Variants in TMEM178B observed in about 807,000 individuals in gnomAD.
The protein encoded by TMEM178B is transmembrane protein 178B.
Under a neutral mutation model 31.0 loss-of-function variants are expected in TMEM178B, and 5 were observed. That is an observed-to-expected ratio of 0.16 (90% CI 0.08 to 0.34). TMEM178B has a LOEUF of 0.34. Ranked by LOEUF, TMEM178B falls within the 10% of genes least tolerant of loss-of-function variation. The probability of loss-of-function intolerance (pLI) is 1.00; values close to 1 mark genes in which losing one functional copy is unlikely to be tolerated. For missense variants in TMEM178B, 275 were observed against 400.3 expected (o/e 0.69, Z 2.67); for synonymous variants, 164 against 164.0 (o/e 1.00, Z 0.00).
chr7:141,169,552 T>A (rs1245997321), intron 1 of TMEM178B, among the ~76,000 whole-genome samples: 4 of 152,206 alleles, frequency 2.6e-5, no homozygotes, highest in Non-Finnish European at 4.4e-5. Flanking sequence ...CTGGCTAATA[T>A]CTAGACACCT....
intron 2 of TMEM178B, among the ~76,000 whole-genome samples, chr7:141,436,364 G>A (rs1239574966): frequency 6.6e-6 from 1 of 152,190 alleles, no homozygotes; most frequent in Admixed American, 6.5e-5. Flanking sequence ...CTTTGACAGA[G>A]AGGGACGCCC....
At chr7:141,389,217 A>G (rs540289531) in intron 2 of TMEM178B, among the ~76,000 whole-genome samples, 5 of 152,344 alleles carry the variant, frequency 3.3e-5, no homozygotes, top group African/African-American at 7.2e-5. Flanking sequence ...TACAGAATGC[A>G]TAGTAAAAAA....
intron 1 of TMEM178B, among the ~76,000 whole-genome samples, chr7:141,117,530 A>G (rs1265055012): frequency 2.0e-5 from 3 of 152,126 alleles, no homozygotes; most frequent in Middle Eastern, 3.4e-3. Flanking sequence ...CCATTTGTCA[A>G]TTTTGGCTTT....
At chr7:141,355,485 A>G (rs1799803408) in intron 2 of TMEM178B, among the ~76,000 whole-genome samples, 1 of 152,156 alleles carries the variant, frequency 6.6e-6, no homozygotes, top group Non-Finnish European at 1.5e-5. Flanking sequence ...AGAAGCTATA[A>G]TAACTATGCC....
At chr7:141,191,203 C>G (rs1052433150) in intron 1 of TMEM178B, among the ~76,000 whole-genome samples, 1 of 152,176 alleles carries the variant, frequency 6.6e-6, no homozygotes, top group Non-Finnish European at 1.5e-5. Context: ...AGCGTCTTGT[C>G]TATTTTTAAG....
chr7:141,255,957 A>G lies in TMEM178B; in HGVS notation c.496+43253A>G, dbSNP rs1273024359. On this transcript the variant is annotated intron_variant, in intron 2 of 3. Transcript: ENST00000565468. ...TACATTTCCCATACCTAGGCGTGAG[A>G]GAAACCTGTCATCCATCCATCCATC... is the stretch of plus-strand genomic sequence containing the variant. Among the ~76,000 whole-genome samples, 4 of 152,100 alleles carry G rather than the reference A, an allele frequency of 2.6e-5. No individual in the cohort carries two copies. In the South Asian group the frequency reaches 6.2e-4, roughly 24 times the overall value.
At chr7:141,336,138 C>A (rs950505271) in intron 2 of TMEM178B, among the ~76,000 whole-genome samples, 17 of 152,084 alleles carry the variant, frequency 1.1e-4, no homozygotes, top group African/African-American at 4.1e-4. Context: ...ATCTCGCTGG[C>A]CCCGCCCTGG....
chr7:141,215,917 T>A (rs1423323209), intron 2 of TMEM178B, among the ~76,000 whole-genome samples: 4 of 149,274 alleles, frequency 2.7e-5, no homozygotes, highest in African/African-American at 4.9e-5. Flanking sequence ...TCTTTCTTTT[T>A]TTTTTTTTGA....
chr7:141,435,949 C>A (rs951768207), intron 2 of TMEM178B, among the ~76,000 whole-genome samples: 5 of 152,142 alleles, frequency 3.3e-5, no homozygotes, highest in Non-Finnish European at 5.9e-5. Context: ...CCTCTGTAGG[C>A]CCCTCCTCAC....
At chr7:141,438,875 C>CAAAAAAAAA (rs764682650) in intron 3 of TMEM178B, among the ~76,000 whole-genome samples, 19 of 132,782 alleles carry the variant, frequency 1.4e-4, no homozygotes, top group African/African-American at 5.3e-4. Context: ...GATTCCGTCT[C>CAAAAAAAAA]AAAAAAAAAG....
intron 2 of TMEM178B, among the ~76,000 whole-genome samples, chr7:141,410,102 C>T (rs536315175): frequency 1.3e-5 from 2 of 152,342 alleles, no homozygotes; most frequent in African/African-American, 2.4e-5. Flanking sequence ...ACATCCCCAT[C>T]ACCTGTTTCC....
At chr7:141,293,365 C>A (rs1055010952) in intron 2 of TMEM178B, among the ~76,000 whole-genome samples, 3 of 152,314 alleles carry the variant, frequency 2.0e-5, no homozygotes, top group Middle Eastern at 3.4e-3. Flanking sequence ...TGGTCTTTGG[C>A]ATTCCTTTCA....
At chr7:141,347,305 T>G (rs1350792993) in intron 2 of TMEM178B, among the ~76,000 whole-genome samples, 1 of 152,120 alleles carries the variant, frequency 6.6e-6, no homozygotes, top group Admixed American at 6.5e-5. Flanking sequence ...CCTTCAAATT[T>G]AAATGTAGTG....
At chr7:141,374,136 C>T (rs964042028) in intron 2 of TMEM178B, among the ~76,000 whole-genome samples, 7 of 152,216 alleles carry the variant, frequency 4.6e-5, no homozygotes, top group African/African-American at 1.2e-4. Context: ...ATGTGAAGTC[C>T]GGGACTGTAA....
In TMEM178B at chr7:141,476,122, A is replaced by T. The variant is rs1003495886; in HGVS notation, c.*5336A>T. The T allele has an allele frequency of 1.3e-5, 2 of 152,252 alleles. No homozygotes were observed. The highest frequency in any genetic ancestry group is 2.9e-5 in the Non-Finnish European group (2 of 68,052). The allele number at this position is 152,252 out of a possible 1,614,324, so 9.4% of individuals were successfully genotyped here. A position where few individuals can be genotyped will look rare whatever the true frequency, so the allele number is the denominator to read the frequency against. ...CCCCCCGCTGGAATGGAATTCTCAC[A>T]TCAAGTGTCTGTGCCTCGCTGCTGA... is the stretch of plus-strand genomic sequence containing the variant. On this transcript the variant is annotated 3_prime_UTR_variant, in exon 4 of 4. Coordinates refer to ENST00000565468, the MANE Select transcript of TMEM178B (RefSeq NM_001195278.2).
chr7:141,085,249 AG>A (rs1794761724), intron 1 of TMEM178B, among the ~76,000 whole-genome samples: 1 of 145,598 alleles, frequency 6.9e-6, no homozygotes, highest in Non-Finnish European at 1.5e-5. Context: ...CACCAGCCTC[AG>A]CCTCCCAAAG....
At chr7:141,196,211 A>C (rs1456573544) in intron 1 of TMEM178B, among the ~76,000 whole-genome samples, 3 of 152,186 alleles carry the variant, frequency 2.0e-5, no homozygotes, top group East Asian at 3.8e-4. Context: ...TATCATGTGA[A>C]TGTGACCACC....
chr7:141,135,454 T>C (rs142365618), intron 1 of TMEM178B, among the ~76,000 whole-genome samples: 67 of 152,324 alleles, frequency 4.4e-4, no homozygotes, highest in African/African-American at 1.6e-3. Flanking sequence ...ACATAGAACG[T>C]TCTCCAGAAT....
At position 141,149,705 on chromosome 7, in the gene TMEM178B, G is replaced by A. The variant is rs143374550; in HGVS notation, c.383-62886G>A. Among the ~76,000 whole-genome samples, 489 of 152,302 alleles carry A rather than the reference G, an allele frequency of 3.2e-3. 5 individuals are homozygous for A. The highest frequency in any genetic ancestry group is 8.9e-3 in the African/African-American group (370 of 41,568). On this transcript the variant is annotated intron_variant, in intron 1 of 3. Coordinates refer to ENST00000565468, the MANE Select transcript of TMEM178B (RefSeq NM_001195278.2). ...GGGGAGAACGCCTTATGATGACTGAGGCAGAGAAGGGAGCGATGCAACTGC... is the reference window on the plus strand; with the variant it reads ...GGGGAGAACGCCTTATGATGACTGAAGCAGAGAAGGGAGCGATGCAACTGC...
Sources: gnomAD v4.1 joint callset for allele counts (sites outside exome capture counted in the v4.1 genomes callset) on GRCh38, gnomAD v4.1.1 for gene constraint, MANE v1.5 for transcripts, NCBI Gene and HGNC (gene_info 2026-07-23, HGNC 2026-07-21) for gene names.